NOS3: variants seen among roughly 807,000 people sequenced by gnomAD.
NOS3 encodes NOS type III.
NOS3 carries 98 observed loss-of-function variants against 144.9 expected under a neutral mutation model. That is an observed-to-expected ratio of 0.68 (90% confidence interval 0.57 to 0.80). The LOEUF (loss-of-function observed/expected upper bound fraction) is 0.80. NOS3 is among the 30% of genes least tolerant of loss of function. The pLI, the probability that NOS3 is intolerant of heterozygous loss-of-function variation, is 0.00. For missense variants in NOS3, 1,465 were observed against 1,656.4 expected, an observed-to-expected ratio of 0.88 and a Z score of 2.01; for synonymous variants, 714 against 702.4, an observed-to-expected ratio of 1.02 and a Z score of -0.26.
Position 151,013,923 on chromosome 7 carries a change from G to A in NOS3, c.3450+5G>A, listed in dbSNP as rs956367031. 1.3e-5 allele frequency: 20 copies of A among 1,598,570 alleles called. No individual in the cohort carries two copies. Among genetic ancestry groups the A allele is most frequent in the Non-Finnish European group, 1.7e-5 (20 of 1,172,756 alleles). On this transcript the variant is annotated splice_donor_5th_base_variant and intron_variant, in intron 26 of 26. Transcript: ENST00000297494. ...GACGTCATCGGCGTGCTGCGGGTGCGGAGGGGCGGGCCGGGCCTGAGCGTG... is the reference window on the plus strand; with the variant it reads ...GACGTCATCGGCGTGCTGCGGGTGCAGAGGGGCGGGCCGGGCCTGAGCGTG...
chr7:151,007,321 GCCT>G, intron 17 of NOS3, 45 bp downstream of exon 17: 1 of 1,524,264 alleles, frequency 6.6e-7, no homozygotes, highest in South Asian at 1.2e-5. Flanking sequence ...CCCCTGGGAT[GCCT>G]CCTCCTGCCT....
rs1213356369 is a variant in NOS3, at chr7:151,003,274, T to A, written c.1752+970T>A. On this transcript the variant is annotated intron_variant, in intron 14 of 26. Coordinates refer to ENST00000297494, the MANE Select transcript of NOS3 (RefSeq NM_000603.5). The surrounding 1 kb of genome is among the most constrained non-coding windows in gnomAD (Gnocchi z 4.1). ...CCAAGTAGTTGGGACTACAGGCGCA[T>A]GCCATGATGCCTAGCTAATTTTTGT... 2 of 473,002 alleles carry A rather than the reference T, an allele frequency of 4.2e-6. No individual in the cohort carries two copies. Among genetic ancestry groups the A allele is most frequent in the Non-Finnish European group, 8.2e-6 (2 of 245,204 alleles). 29.3% of individuals were successfully genotyped at this position (473,002 alleles called of 1,614,324 possible). A position where few individuals can be genotyped will look rare whatever the true frequency, so the allele number is the denominator to read the frequency against.
At position 151,010,789 on chromosome 7, in the gene NOS3, C is replaced by A; in HGVS notation, c.2878C>A (p.Leu960Met). 6.2e-7 allele frequency: 1 copy of A among 1,612,242 alleles called. No homozygotes were observed. The highest frequency in any genetic ancestry group is 8.5e-7 in the Non-Finnish European group (1 of 1,179,222). Residue 960 changes from leucine (L) to methionine (M), a missense_variant, in exon 22 of 27, where the codon CTG becomes ATG. This residue lies in a region of NOS3 where 106 missense variants were observed against 167.7 expected (regional missense o/e 0.63). Transcript: ENST00000297494. ...AGAGATCCACCTCACTGTAGCTGTG[C>A]TGGCATACAGGACTCAGGGTGAGGC... ...PGEIHLTVAV[L>M]AYRTQDGLGP...
In NOS3 at chr7:151,012,492, G is replaced by T; in HGVS notation, c.3106+20G>T. 6.2e-7 allele frequency: 1 copy of T among 1,609,094 alleles called. No homozygotes were observed. The highest frequency in any genetic ancestry group is 8.5e-7 in the Non-Finnish European group (1 of 1,177,012). ...GCAAAGGTGAGGCTGGGGACTAAAG[G>T]ACTGCCTGAAGGGAGTCACACAATC... On this transcript the variant is annotated intron_variant, in intron 24 of 26. Coordinates refer to ENST00000297494, the MANE Select transcript of NOS3 (RefSeq NM_000603.5).
At chr7:151,010,865 TGGCCCCTCACC>T (rs751007543) in intron 22 of NOS3, 23 bp from the exon 23 acceptor site, 1 of 1,608,668 alleles carries the variant, frequency 6.2e-7, no homozygotes, top group Admixed American at 1.7e-5. Flanking sequence ...GGCCCCTCTC[TGGCCCCTCACC>T]GGCCTCTCCT....
chr7:151,008,386 C>T (rs1795238352), intron 17 of NOS3, among the ~76,000 whole-genome samples: 1 of 152,208 alleles, frequency 6.6e-6, no homozygotes, highest in Non-Finnish European at 1.5e-5. Flanking sequence ...TGTGCCTGAC[C>T]AGGAGTAGAC....
rs3918207 is a variant in NOS3 at position 151,012,674 on chromosome 7, C to T, written c.3106+202C>T. 1.4e-3 allele frequency: 814 copies of T among 563,714 alleles called. 5 individuals carry two copies. Among genetic ancestry groups the T allele is most frequent in the African/African-American group, 0.014 (725 of 53,602 alleles). 34.9% of individuals were successfully genotyped at this position (563,714 alleles called of 1,614,324 possible). On this transcript the variant is annotated intron_variant, in intron 24 of 26. Coordinates refer to ENST00000297494, the MANE Select transcript of NOS3 (RefSeq NM_000603.5). ...GCTTCTGGCTTCCTGGTGCCTGGTA[C>T]ATAGTAGGTGTTGACTGGATTGAGG...
At position 150,994,386 on chromosome 7, in the gene NOS3, G is replaced by A. The variant is rs569856598; in HGVS notation, c.158+425G>A. Among the ~76,000 whole-genome samples the A allele has an allele frequency of 4.6e-5, 7 of 152,308 alleles. No individual in the cohort carries two copies. The South Asian group carries it at 1.4e-3, about 32-fold the overall frequency. On this transcript the variant is annotated intron_variant, in intron 2 of 26. Coordinates refer to ENST00000297494, the MANE Select transcript of NOS3 (RefSeq NM_000603.5). Reference sequence around the variant, plus strand: ...GAGAAGAAAGGAGCTGACAGCAGTGGTTACAGGAGTGAGAAAGTGGGGTCT... The same window carrying A: ...GAGAAGAAAGGAGCTGACAGCAGTGATTACAGGAGTGAGAAAGTGGGGTCT...
intron 1 of NOS3, among the ~76,000 whole-genome samples, chr7:150,992,047 G>A (rs1051303237): frequency 6.6e-5 from 10 of 151,524 alleles, no homozygotes; most frequent in Admixed American, 1.3e-4. Context: ...TGTCGTCCTC[G>A]GGAGGCTGAG....
Position 151,012,337 on chromosome 7 carries a change from G to A in NOS3, c.2985-14G>A. ...AAAGGCAAAGGGGACCTGATGGAGT[G>A]TCTCTCCTGCCAGGGCTCCCTCCTT... is the stretch of plus-strand genomic sequence containing the variant. On this transcript the variant is annotated splice_polypyrimidine_tract_variant and intron_variant, in intron 23 of 26. Coordinates refer to ENST00000297494, the MANE Select transcript of NOS3 (RefSeq NM_000603.5). 6.5e-7 allele frequency: 1 copy of A among 1,547,220 alleles called. No individual in the cohort carries two copies. The highest frequency in any genetic ancestry group is 8.7e-7 in the Non-Finnish European group (1 of 1,143,440).
At position 151,003,980 on chromosome 7, in the gene NOS3, C is replaced by G. The variant is rs530064692; in HGVS notation, c.1752+1676C>G. The G allele has an allele frequency of 9.3e-6, 3 of 323,342 alleles. No homozygotes were observed. Among genetic ancestry groups the G allele is most frequent in the Admixed American group, 4.5e-5 (1 of 22,000 alleles). The allele number at this position is 323,342 out of a possible 1,614,324, so 20.0% of individuals were successfully genotyped here. On this transcript the variant is annotated intron_variant, in intron 14 of 26. Transcript: ENST00000297494. This position sits in a 1 kb window ranked among gnomAD's most constrained non-coding sequence, Gnocchi z 4.1. ...TGTTTTTATTTCTCTTGGGTAAATA[C>G]CTAGGAGTAGAATTGGTAGGTCATA...
At chr7:150,999,121 G>C (rs1442104513) in intron 8 of NOS3, 36 bp downstream of exon 8, 1 of 1,612,412 alleles carries the variant, frequency 6.2e-7, no homozygotes, top group East Asian at 2.2e-5. Context: ...TGGGATGGAG[G>C]GGGCCATCCC....
chr7:151,012,548 G>A, intron 24 of NOS3, 76 bp downstream of exon 24: 1 of 1,518,368 alleles, frequency 6.6e-7, no homozygotes, highest in South Asian at 1.2e-5. Context: ...TGGAAGGCAG[G>A]AAATAGGAAA....
At chr7:151,004,984 A>C (rs1795185073) in intron 14 of NOS3, among the ~76,000 whole-genome samples, 1 of 152,072 alleles carries the variant, frequency 6.6e-6, no homozygotes, top group Admixed American at 6.5e-5. Flanking sequence ...CAGCCTCCCG[A>C]GTAGCTGGGA....
chr7:150,995,956 T>C (rs1410751078), intron 3 of NOS3, among the ~76,000 whole-genome samples: 1 of 1,118 alleles, frequency 8.9e-4, no homozygotes, highest in African/African-American at 0.014. Flanking sequence ...CCCCGTCCCA[T>C]CCCTGCACCC....
In NOS3 at chr7:150,998,029, C is replaced by A. The variant is rs1175006356; in HGVS notation, c.583-328C>A. 2.6e-5 allele frequency among the ~76,000 whole-genome samples: 4 copies of A among 152,212 alleles called. No individual in the cohort carries two copies. Among genetic ancestry groups the A allele is most frequent in the Non-Finnish European group, 5.9e-5 (4 of 68,038 alleles). On this transcript the variant is annotated intron_variant, in intron 5 of 26. Coordinates refer to ENST00000297494, the MANE Select transcript of NOS3 (RefSeq NM_000603.5). This position sits in a 1 kb window ranked among gnomAD's most constrained non-coding sequence, Gnocchi z 5.0. ...TCATGGGGGATTTGCTGCCCACACT[C>A]CTAGGCGGCCTCTTAGACATCCGTT...
At position 150,998,991 on chromosome 7, in the gene NOS3, G is replaced by A. The variant is rs369199140; in HGVS notation, c.862G>A (p.Val288Met). ...GACCCCAGGAAACGGTCGCTTCGAC[G>A]TGCTGCCCCTGCTGCTGCAGGCCCC... ...GWTPGNGRFD[V>M]LPLLLQAPDD... Residue 288 changes from valine (V) to methionine (M), a missense_variant, in exon 8 of 27, where the codon GTG becomes ATG. Around this residue, in one of 5 missense-constraint regions of NOS3, gnomAD observed 12 missense variants for 30.1 expected, o/e 0.40. Transcript: ENST00000297494. This position sits in a 1 kb window ranked among gnomAD's most constrained non-coding sequence, Gnocchi z 5.0. 1.6e-5 allele frequency: 25 copies of A among 1,612,522 alleles called. No homozygotes were observed. The highest frequency in any genetic ancestry group is 5.3e-5 in the African/African-American group (4 of 74,912).
chr7:150,992,027 G>T (rs1183926839), intron 1 of NOS3, among the ~76,000 whole-genome samples: 3 of 151,842 alleles, frequency 2.0e-5, no homozygotes, highest in Non-Finnish European at 4.4e-5. Context: ...CAGGCGTGGT[G>T]GTGGGTGCCT....
At chr7:151,011,834 G>C in intron 23 of NOS3, 1 of 444,388 alleles carries the variant, frequency 2.3e-6, no homozygotes, top group Non-Finnish European at 4.5e-6. Flanking sequence ...CGAGGGTGAA[G>C]GATTTTAAGA....
Sources: allele counts gnomAD v4.1 joint callset (sites outside exome capture counted in the v4.1 genomes callset), GRCh38; gene constraint gnomAD v4.1.1; regional missense constraint gnomAD v4.1.1; non-coding constraint Gnocchi (gnomAD v3.1); transcripts MANE v1.5; gene names NCBI Gene and HGNC (gene_info 2026-07-23, HGNC 2026-07-21).